The following EIF2AK4 variants were observed in gnomAD, a reference collection of about 807,000 sequenced individuals.
EIF2AK4 encodes the protein eukaryotic translation initiation factor 2 alpha kinase 4, also known as eIF-2-alpha kinase GCN2.
EIF2AK4 carries 139 observed loss-of-function variants against 211.1 expected under a neutral mutation model. That is an observed-to-expected ratio of 0.66 (90% CI 0.57 to 0.76). EIF2AK4 has a LOEUF of 0.76. Among genes scored for constraint, EIF2AK4 ranks in the 30% least tolerant of loss-of-function variants. The pLI, the probability that EIF2AK4 is intolerant of heterozygous loss-of-function variation, is 0.00. For synonymous variants in EIF2AK4, 710 were observed against 751.3 expected (o/e 0.94, Z 0.90); for missense variants, 1,664 against 2,043.8 (o/e 0.81, Z 3.58).
At chr15:40,028,158 A>T (rs2035490405) in intron 33 of EIF2AK4, among the ~76,000 whole-genome samples, 1 of 151,156 alleles carries the variant, frequency 6.6e-6, no homozygotes, top group African/African-American at 2.4e-5. Context: ...CTATAGCCTT[A>T]ACCTCCCAGG....
chr15:39,935,403 A>T (rs1220502550), intron 1 of EIF2AK4, among the ~76,000 whole-genome samples: 1 of 151,558 alleles, frequency 6.6e-6, no homozygotes, highest in Non-Finnish European at 1.5e-5. Flanking sequence ...CAGAGGCATG[A>T]CCACGGCTCA....
rs368650997 is a variant in EIF2AK4, at chr15:40,035,028, G to T, written c.4894G>T (p.Val1632Leu). 13 of 1,578,430 alleles carry T rather than the reference G, an allele frequency of 8.2e-6. No individual in the cohort carries two copies. Among genetic ancestry groups the T allele is most frequent in the Non-Finnish European group, 1.0e-5 (12 of 1,163,712 alleles). ...TATATCTTTTCTTTTCTTTTGCAGG[G>T]TGTCTGTGCTATTTCTGTACAGCTA... ...EIYNIKVEKK[V>L]SVLFLYSYRD... Residue 1632 changes from valine to leucine, a missense_variant and splice_region_variant, in exon 39 of 39, where the codon GTG (valine) becomes TTG (leucine). Around this residue, in one of 7 missense-constraint regions of EIF2AK4, gnomAD observed 138 missense variants for 165.1 expected, o/e 0.84. Coordinates refer to ENST00000263791, the MANE Select transcript of EIF2AK4 (RefSeq NM_001013703.4).
intron 27 of EIF2AK4, among the ~76,000 whole-genome samples, 173 bp from the exon 28 acceptor site, chr15:40,016,329 T>C (rs1467716650): frequency 6.6e-6 from 1 of 152,214 alleles, no homozygotes; most frequent in African/African-American, 2.4e-5. Context: ...TTTCAAGTTG[T>C]TGGAAAAGGA....
At chr15:39,985,680 C>A in intron 13 of EIF2AK4, 125 bp from the exon 14 acceptor site, 1 of 743,322 alleles carries the variant, frequency 1.3e-6, no homozygotes, top group African/African-American at 1.7e-5. Flanking sequence ...GTTCTGCTCA[C>A]TGACTTCTCC....
intron 4 of EIF2AK4, among the ~76,000 whole-genome samples, chr15:39,950,702 T>G (rs927935564): frequency 1.3e-5 from 2 of 152,156 alleles, no homozygotes; most frequent in African/African-American, 4.8e-5. Flanking sequence ...ATGTACTTAT[T>G]TTGATCCTTC....
chr15:39,944,102 T>TC (rs2140899006), intron 3 of EIF2AK4, among the ~76,000 whole-genome samples: 1 of 152,342 alleles, frequency 6.6e-6, no homozygotes, highest in African/African-American at 2.4e-5. Flanking sequence ...GGACCACCTC[T>TC]CCCCTTTGCA....
chr15:39,938,170 G>C (rs2034094633), intron 1 of EIF2AK4, among the ~76,000 whole-genome samples: 1 of 152,076 alleles, frequency 6.6e-6, no homozygotes, highest in South Asian at 2.1e-4. Context: ...AGTTCCATGA[G>C]AGCTGGAACC....
intron 38 of EIF2AK4, 65 bp from the exon 39 acceptor site, chr15:40,034,962 T>G: frequency 7.5e-7 from 1 of 1,329,980 alleles, no homozygotes; most frequent in Non-Finnish European, 1.0e-6. Context: ...TTATAAAAAT[T>G]TATTAGCTCT....
chr15:39,986,941 T>A (rs2034874739), intron 14 of EIF2AK4, among the ~76,000 whole-genome samples: 1 of 152,178 alleles, frequency 6.6e-6, no homozygotes, highest in Non-Finnish European at 1.5e-5. Flanking sequence ...CTGTTAGTAT[T>A]TCAGTCATAA....
intron 27 of EIF2AK4, among the ~76,000 whole-genome samples, chr15:40,012,260 A>T (rs1352544028): frequency 1.3e-5 from 2 of 152,182 alleles, no homozygotes; most frequent in East Asian, 1.9e-4. Flanking sequence ...CCATAAGGGG[A>T]TATGCACAGC....
chr15:39,935,899 A>G (rs1331543664), intron 1 of EIF2AK4, among the ~76,000 whole-genome samples: 2 of 152,216 alleles, frequency 1.3e-5, no homozygotes, highest in Non-Finnish European at 2.9e-5. Context: ...AAAAATATAA[A>G]TTATTCCCCT....
intron 6 of EIF2AK4, among the ~76,000 whole-genome samples, chr15:39,960,985 T>C (rs765496984): frequency 1.3e-5 from 2 of 152,218 alleles, no homozygotes; most frequent in African/African-American, 2.4e-5. Context: ...TCGAAGTGTT[T>C]CTGATAAGTG....
At chr15:40,009,515 A>G (rs895495577) in intron 25 of EIF2AK4, 99 bp from the exon 26 acceptor site, 16 of 693,456 alleles carry the variant, frequency 2.3e-5, no homozygotes, top group South Asian at 7.5e-5. Flanking sequence ...CAATCCTTCC[A>G]TTGTGTTAGG....
chr15:39,983,143 C>G (rs1389587571), intron 13 of EIF2AK4, among the ~76,000 whole-genome samples: 3 of 152,220 alleles, frequency 2.0e-5, no homozygotes, highest in Non-Finnish European at 4.4e-5. Flanking sequence ...AATGGTTGAA[C>G]TAATTTACAC....
At chr15:39,988,198 A>C (rs2034892881) in intron 15 of EIF2AK4, 93 bp downstream of exon 15, 1 of 1,396,902 alleles carries the variant, frequency 7.2e-7, no homozygotes, top group African/African-American at 1.4e-5. Flanking sequence ...AGAAAAACTG[A>C]AATAGAGGGA....
chr15:39,985,905 T>C lies in EIF2AK4; in HGVS notation c.2403+17T>C. 1 of 1,611,918 alleles carries C rather than the reference T, an allele frequency of 6.2e-7. No individual in the cohort carries two copies. Among genetic ancestry groups the C allele is most frequent in the Non-Finnish European group, 8.5e-7 (1 of 1,178,498 alleles). On this transcript the variant is annotated intron_variant, in intron 14 of 38. Coordinates refer to ENST00000263791, the MANE Select transcript of EIF2AK4 (RefSeq NM_001013703.4). ...TACATCCAGGTGAGGTCGTGGTGTG[T>C]AGTTAGGTGACACAGCAACACCCAG...
At chr15:39,952,591 T>A (rs552382994) in intron 4 of EIF2AK4, among the ~76,000 whole-genome samples, 2 of 152,202 alleles carry the variant, frequency 1.3e-5, no homozygotes, top group South Asian at 4.2e-4. Context: ...TGTATATCTA[T>A]TTTTATTTTT....
In EIF2AK4 at chr15:39,997,022, T is replaced by G; in HGVS notation, c.2825T>G (p.Val942Gly). 6.2e-7 allele frequency: 1 copy of G among 1,614,102 alleles called. No homozygotes were observed. Among genetic ancestry groups the G allele is most frequent in the South Asian group, 1.1e-5 (1 of 91,078 alleles). The stretch of plus-strand genomic sequence containing the variant: ...TTTGAGATGTCCTATCACCCCATGG[T>G]CACGGCTTCAGAAAGGATCTTTGTT... ...IFFEMSYHPM[V>G]TASERIFVLN... Residue 942 changes from valine (V) to glycine (G), a missense_variant, in exon 19 of 39, where the codon GTC becomes GGC. Physicochemically the swap from Val to Gly is moderately radical, Grantham distance 109. Transcript: ENST00000263791.
chr15:39,944,373 C>A (rs1386862762), intron 3 of EIF2AK4, among the ~76,000 whole-genome samples: 1 of 151,420 alleles, frequency 6.6e-6, no homozygotes, highest in Non-Finnish European at 1.5e-5. Context: ...CGCTTCTTTG[C>A]CCCACTTTTG....
Sources: gnomAD v4.1 joint callset for allele counts (sites outside exome capture counted in the v4.1 genomes callset) on GRCh38, gnomAD v4.1.1 for gene constraint, gnomAD v4.1.1 regional missense constraint, MANE v1.5 for transcripts, NCBI Gene and HGNC (gene_info 2026-07-23, HGNC 2026-07-21) for gene names.